Variants in TPRA1 observed in about 807,000 individuals in gnomAD.
The protein encoded by TPRA1 is transmembrane protein adipocyte-associated 1.
TPRA1 carries 28 observed loss-of-function variants against 40.1 expected under a neutral mutation model. The observed-to-expected ratio is 0.70, with a 90% CI of 0.52 to 0.96. TPRA1 has a LOEUF of 0.96. Among genes scored for constraint, TPRA1 ranks in the 40% least tolerant of loss-of-function variants. The pLI, the probability that TPRA1 is intolerant of heterozygous loss-of-function variation, is 0.00. For synonymous variants in TPRA1, 219 were observed against 209.7 expected (o/e 1.04, Z -0.38); for missense variants, 441 against 482.6 (o/e 0.91, Z 0.81).
chr3:127,582,933 C>T (rs991591629), intron 1 of TPRA1, among the ~76,000 whole-genome samples: 1 of 151,990 alleles, frequency 6.6e-6, no homozygotes, highest in African/African-American at 2.4e-5. Flanking sequence ...CACCTGAGGT[C>T]AGGAGTTCGA....
chr3:127,579,780 C>T lies in TPRA1; in HGVS notation c.218G>A (p.Arg73His), dbSNP rs376730796. 59 of 1,613,974 alleles carry T rather than the reference C, an allele frequency of 3.7e-5. No individual in the cohort carries two copies. Among genetic ancestry groups the T allele is most frequent in the African/African-American group, 2.3e-4 (17 of 74,892 alleles). The change falls in exon 3 of 11, where the codon CGC becomes CAC. Residue 73 changes from arginine (R) to histidine (H), a missense_variant. Physicochemically the swap from Arg to His is conservative, Grantham distance 29. Coordinates refer to ENST00000355552, the MANE Select transcript of TPRA1 (RefSeq NM_001136053.4). Reference sequence around the variant, plus strand: ...GATAAAAATGGGGCTGGAGGTGATGCGGATCTTCGCCCGAGCAGATGGAAG... The same window carrying T: ...GATAAAAATGGGGCTGGAGGTGATGTGGATCTTCGCCCGAGCAGATGGAAG... ...WKLPSARAKI[R>H]ITSSPIFITF...
At chr3:127,581,054 G>T (rs1426988453) in intron 1 of TPRA1, among the ~76,000 whole-genome samples, 1 of 152,238 alleles carries the variant, frequency 6.6e-6, no homozygotes, top group Non-Finnish European at 1.5e-5. Context: ...GGGGTTAGGG[G>T]ACTGAGGGTC....
At chr3:127,585,470 G>C (rs949233780) in intron 1 of TPRA1, among the ~76,000 whole-genome samples, 11 of 152,350 alleles carry the variant, frequency 7.2e-5, no homozygotes, top group African/African-American at 2.6e-4. Context: ...AGGGACTGAA[G>C]TGGAGGAGGA....
Position 127,571,540 on chromosome 3 carries a change from T to C in TPRA1, c.*1981A>G, listed in dbSNP as rs1005249988. ...GTTTATAAATTGCCATATATCCATA[T>C]ATATGTAGCTGCAGGGGTGAAGCAG... On this transcript the variant is annotated 3_prime_UTR_variant, in exon 11 of 11. Transcript: ENST00000355552. 6.6e-5 allele frequency: 10 copies of C among 152,268 alleles called. No homozygotes were observed. The highest frequency in any genetic ancestry group is 2.4e-4 in the African/African-American group (10 of 41,482). The allele number at this position is 152,268 out of a possible 1,614,324, so 9.4% of individuals were successfully genotyped here. A position where few individuals can be genotyped will look rare whatever the true frequency, so the allele number is the denominator to read the frequency against.
intron 1 of TPRA1, among the ~76,000 whole-genome samples, chr3:127,583,903 T>A (rs2073914100): frequency 6.6e-6 from 1 of 151,874 alleles, no homozygotes; most frequent in Non-Finnish European, 1.5e-5. Context: ...TCTCCTGACC[T>A]CGTGATCCGC....
chr3:127,579,590 G>C (rs2073757952), intron 3 of TPRA1, 150 bp downstream of exon 3: 1 of 954,164 alleles, frequency 1.0e-6, no homozygotes, highest in East Asian at 2.7e-5. Context: ...GTCCCAAAGA[G>C]ATCAGAGATG....
Position 127,575,832 on chromosome 3 carries a change from G to A in TPRA1, c.610-23C>T, listed in dbSNP as rs1433539407. ...GACCTACAGAGACAGGCAGGGCTGAGAAGGTGCTGGGGGCGCCAGCCCAGA... is the reference window on the plus strand; with the variant it reads ...GACCTACAGAGACAGGCAGGGCTGAAAAGGTGCTGGGGGCGCCAGCCCAGA... On this transcript the variant is annotated intron_variant, in intron 7 of 10. Coordinates refer to ENST00000355552, the MANE Select transcript of TPRA1 (RefSeq NM_001136053.4). The A allele has an allele frequency of 1.9e-6, 3 of 1,613,594 alleles. No homozygotes were observed. In the Admixed American group the frequency reaches 5.0e-5, roughly 27 times the overall value.
In TPRA1 at chr3:127,573,785, C is replaced by T. The variant is rs138582953; in HGVS notation, c.858G>A (p.Ser286=). 29 of 1,559,634 alleles carry T rather than the reference C, an allele frequency of 1.9e-5. 1 individual carries two copies. Among genetic ancestry groups the T allele is most frequent in the South Asian group, 1.1e-4 (9 of 85,238 alleles). The change falls in exon 11 of 11, where the codon TCG becomes TCA. Residue 286 remains serine, a synonymous_variant. Coordinates refer to ENST00000355552, the MANE Select transcript of TPRA1 (RefSeq NM_001136053.4). The stretch of plus-strand genomic sequence containing the variant: ...TGTAGGAGAAGAGGATCTTGGGCTC[C>T]GAGCTGATAAAAGGAAAAGAGGGGC... ...YVAFLRGFFG[S]EPKILFSYKC... is the part of the protein sequence containing the mutation.
intron 1 of TPRA1, among the ~76,000 whole-genome samples, chr3:127,587,359 C>T (rs1256705032): frequency 6.6e-6 from 1 of 152,128 alleles, no homozygotes; most frequent in Non-Finnish European, 1.5e-5. Context: ...CAGCCACATC[C>T]AAAGCCAGTC....
chr3:127,576,669 T>G lies in TPRA1; in HGVS notation c.446A>C (p.Lys149Thr). Residue 149 changes from lysine (K) to threonine (T), a missense_variant, in exon 6 of 11, where the codon AAG (lysine) becomes ACG (threonine). Physicochemically the swap from Lys to Thr is moderately conservative, Grantham distance 78 (BLOSUM62 -1). Transcript: ENST00000355552. This position sits in a 1 kb window ranked among gnomAD's most constrained non-coding sequence, Gnocchi z 4.6. ...FGHLESKSSI[K>T]RVLAITTVLS... ...CACTGTGGTGATGGCCAGCACCCGC[T>G]TGATGCTGGACTTACTCTCCAGGTG... is the stretch of plus-strand genomic sequence containing the variant. The G allele has an allele frequency of 6.2e-7, 1 of 1,611,168 alleles. No individual in the cohort carries two copies. Among genetic ancestry groups the G allele is most frequent in the East Asian group, 2.2e-5 (1 of 44,774 alleles).
chr3:127,588,954 G>T (rs994118033), intron 1 of TPRA1, among the ~76,000 whole-genome samples: 1 of 152,194 alleles, frequency 6.6e-6, no homozygotes, highest in Non-Finnish European at 1.5e-5. Flanking sequence ...GGGAGGGGTT[G>T]GTCAGCTCAC....
intron 1 of TPRA1, among the ~76,000 whole-genome samples, chr3:127,584,447 TAAAAAAAAAAAAAA>T (rs1163065087): frequency 1.9e-3 from 39 of 20,868 alleles, no homozygotes; most frequent in Admixed American, 5.9e-3. Context: ...AGACCCTGTC[TAAAAAAAAAAAAAA>T]AAAAAAAAAA....
intron 1 of TPRA1, among the ~76,000 whole-genome samples, chr3:127,582,316 A>C (rs1055064942): frequency 2.0e-5 from 3 of 152,122 alleles, no homozygotes; most frequent in Non-Finnish European, 4.4e-5. Flanking sequence ...TTGCAATCCC[A>C]ACACTTTGGG....
intron 1 of TPRA1, among the ~76,000 whole-genome samples, chr3:127,580,895 A>G (rs2073810862): frequency 1.3e-5 from 2 of 152,250 alleles, no homozygotes; most frequent in South Asian, 4.1e-4. Flanking sequence ...GGGCAAGGCA[A>G]GTGTGTCTGC....
At chr3:127,580,305 G>T in intron 1 of TPRA1, 142 bp from the exon 2 acceptor site, 1 of 945,074 alleles carries the variant, frequency 1.1e-6, no homozygotes. Flanking sequence ...CTGCAGCTCA[G>T]TGTGGGGCTC....
At chr3:127,592,940 AC>A (rs761426985), upstream of TPRA1, among the ~76,000 whole-genome samples, 42 of 152,310 alleles carry the variant, frequency 2.8e-4, 1 homozygote, top group Admixed American at 1.9e-3. Context: ...GTAGCCTTGC[AC>A]CTTGGAACTG....
Position 127,589,547 on chromosome 3 carries a change from C to T in TPRA1, c.-18+863G>A, listed in dbSNP as rs566948155. ...GGCTGGCAGGCGTGTGGTCCCTGTC[C>T]TAAGCCGGAGACCCCAGTAAGATGG... is the stretch of plus-strand genomic sequence containing the variant. On this transcript the variant is annotated intron_variant, in intron 1 of 10. Transcript: ENST00000355552. Among the ~76,000 whole-genome samples, 68 of 152,208 alleles carry T rather than the reference C, an allele frequency of 4.5e-4. No individual in the cohort carries two copies. The South Asian group carries it at 5.2e-3, about 12-fold the overall frequency.
chr3:127,585,421 G>A (rs2073970267), intron 1 of TPRA1, among the ~76,000 whole-genome samples: 1 of 152,220 alleles, frequency 6.6e-6, no homozygotes, highest in South Asian at 2.1e-4. Context: ...TACAAGGAGT[G>A]AGAGGTCTGG....
upstream of TPRA1, among the ~76,000 whole-genome samples, chr3:127,594,621 G>A (rs993888152): frequency 1.3e-5 from 2 of 152,178 alleles, no homozygotes; most frequent in African/African-American, 4.8e-5. Context: ...CAGGTGGGTG[G>A]GCCTAGCAGC....
Sources: gnomAD v4.1 joint callset for allele counts (sites outside exome capture counted in the v4.1 genomes callset) on GRCh38, gnomAD v4.1.1 for gene constraint, Gnocchi (gnomAD v3.1) non-coding constraint, MANE v1.5 for transcripts, NCBI Gene and HGNC (gene_info 2026-07-23, HGNC 2026-07-21) for gene names.